The following MFHAS1 variants were observed in gnomAD, a reference collection of about 807,000 sequenced individuals.
The protein encoded by MFHAS1 is malignant fibrous histiocytoma-amplified sequence 1.
A neutral mutation model predicts 70.4 loss-of-function variants in MFHAS1; 50 were observed. The observed-to-expected ratio is 0.71, with a 90% CI of 0.57 to 0.90. The LOEUF (loss-of-function observed/expected upper bound fraction) is 0.90, where lower values mean the gene tolerates loss of function less well. MFHAS1 is among the 40% of genes least tolerant of loss of function. The pLI, the probability that MFHAS1 is intolerant of heterozygous loss-of-function variation, is 0.00. For synonymous variants in MFHAS1, 952 were observed against 620.0 expected (o/e 1.54, Z -7.96); for missense variants, 1,795 against 1,347.6 (o/e 1.33, Z -5.20).
Position 8,837,598 on chromosome 8 carries a change from G to A in MFHAS1, c.2999-40107C>T, listed in dbSNP as rs181814952. Reference sequence around the variant, plus strand: ...GCGGAGGTTGCAGTGAGCCAAGATCGCGCCACTGCACTCCAGCCTGGGCGA... The same window carrying A: ...GCGGAGGTTGCAGTGAGCCAAGATCACGCCACTGCACTCCAGCCTGGGCGA... On this transcript the variant is annotated intron_variant, in intron 1 of 2. Coordinates refer to ENST00000276282, the MANE Select transcript of MFHAS1 (RefSeq NM_004225.3). 1.9e-3 allele frequency among the ~76,000 whole-genome samples: 294 copies of A among 151,678 alleles called. 2 individuals carry two copies. The highest frequency in any genetic ancestry group is 1.8e-3 in the Non-Finnish European group (125 of 67,868).
chr8:8,842,245 G>C (rs963912916), intron 1 of MFHAS1, among the ~76,000 whole-genome samples: 1 of 151,994 alleles, frequency 6.6e-6, no homozygotes, highest in Non-Finnish European at 1.5e-5. Flanking sequence ...GAGTGCGGTG[G>C]CTCAACCTCG....
chr8:8,890,027 T>C (rs399123), intron 1 of MFHAS1, 34 bp downstream of exon 1: 748,572 of 1,494,294 alleles, frequency 0.5, 195,671 homozygotes, highest in East Asian at 0.83. Context: ...TCTTACAGCA[T>C]ACCACAGAAG....
Position 8,890,564 on chromosome 8 carries a change from CAGTAACAG to C in MFHAS1, c.2487_2494del (p.Cys830ProfsTer3). ...AGGCTTGCCCTTGGGTTTATTGAGG[CAGTAACAG>C]AGTCCCATCTTCTCCAGCAGCTCCA... On this transcript the variant is annotated frameshift_variant, in exon 1 of 3. Transcript: ENST00000276282. LOFTEE classifies it high-confidence loss of function. 1 of 1,613,616 alleles carries C rather than the reference CAGTAACAG, an allele frequency of 6.2e-7. No individual in the cohort carries two copies. The highest frequency in any genetic ancestry group is 8.5e-7 in the Non-Finnish European group (1 of 1,180,048).
At position 8,856,028 on chromosome 8, in the gene MFHAS1, G is replaced by C. The variant is rs367649748; in HGVS notation, c.2998+34033C>G. Among the ~76,000 whole-genome samples, 57 of 152,268 alleles carry C rather than the reference G, an allele frequency of 3.7e-4. 1 individual carries two copies. The South Asian group carries it at 0.011, about 29-fold the overall frequency. ...GCCAAATAAGCCTCCTCACTTTTGT[G>C]CTTTGAAAGCGAGCGGGGACTGAAT... On this transcript the variant is annotated intron_variant, in intron 1 of 2. Coordinates refer to ENST00000276282, the MANE Select transcript of MFHAS1 (RefSeq NM_004225.3).
intron 1 of MFHAS1, among the ~76,000 whole-genome samples, chr8:8,845,405 G>C (rs922589236): frequency 2.0e-5 from 3 of 152,140 alleles, no homozygotes; most frequent in South Asian, 4.1e-4. Flanking sequence ...AGAGCATACC[G>C]GGTAGTGAAA....
At chr8:8,824,521 T>TCTCTCACACACACACA (rs1484537416) in intron 1 of MFHAS1, among the ~76,000 whole-genome samples, 1 of 145,912 alleles carries the variant, frequency 6.9e-6, no homozygotes, top group African/African-American at 2.6e-5. Flanking sequence ...TCTCTCTCTT[T>TCTCTCACACACACACA]CACACACACA....
rs774931050 is a variant in MFHAS1 at position 8,892,605 on chromosome 8, C to T, written c.454G>A (p.Ala152Thr). The change falls in exon 1 of 3, where the codon GCC (alanine) becomes ACC (threonine). Residue 152 changes from alanine (A) to threonine (T), a missense_variant. Coordinates refer to ENST00000276282, the MANE Select transcript of MFHAS1 (RefSeq NM_004225.3). The surrounding 1 kb of genome is among the most constrained non-coding windows in gnomAD (Gnocchi z 4.7). ...AGGTGAGCGAGAGCGCCCAGCTGGGCGGGCAGGGCGGGCAGCTGGTTGTGG... is the reference window on the plus strand; with the variant it reads ...AGGTGAGCGAGAGCGCCCAGCTGGGTGGGCAGGGCGGGCAGCTGGTTGTGG... ...LSHNQLPALP[A>T]QLGALAHLEE... 7.5e-6 allele frequency: 12 copies of T among 1,607,490 alleles called. No individual in the cohort carries two copies. The highest frequency in any genetic ancestry group is 6.7e-5 in the African/African-American group (5 of 74,686).
chr8:8,892,107 G>T lies in MFHAS1; in HGVS notation c.952C>A (p.Leu318Met). ...AGCCACAAGGTGAGAAGCCGGCCCA[G>T]GCCCGAGATAAGGGATGGCACCGAG... ...LTSVPSLISG[L>M]GRLLTLWLDN... Residue 318 changes from leucine (L) to methionine (M), a missense_variant, in exon 1 of 3, where the codon CTG (leucine) becomes ATG (methionine). Transcript: ENST00000276282. This position sits in a 1 kb window ranked among gnomAD's most constrained non-coding sequence, Gnocchi z 4.7. The T allele has an allele frequency of 6.2e-7, 1 of 1,613,236 alleles. No individual in the cohort carries two copies. The highest frequency in any genetic ancestry group is 1.3e-5 in the African/African-American group (1 of 75,046).
intron 1 of MFHAS1, among the ~76,000 whole-genome samples, chr8:8,829,197 C>CT (rs141401469): frequency 0.024 from 3,657 of 152,294 alleles, 103 homozygotes; most frequent in African/African-American, 0.062. Context: ...GCGGAGCGCC[C>CT]TCCCAGAACC....
chr8:8,892,753 C>T lies in MFHAS1; in HGVS notation c.306G>A (p.Leu102=). 1 of 1,576,082 alleles carries T rather than the reference C, an allele frequency of 6.3e-7. No homozygotes were observed. Among genetic ancestry groups the T allele is most frequent in the South Asian group, 1.2e-5 (1 of 86,268 alleles). ...GGCCGAGCTCGGCCACCGCCGGGGG[C>T]AGCCGGGCGAAGCGGTTCCTGCGCA... ...LVLRRNRFAR[L]PPAVAELGHH... Residue 102 remains leucine, a synonymous_variant, in exon 1 of 3, where the codon CTG becomes CTA. Coordinates refer to ENST00000276282, the MANE Select transcript of MFHAS1 (RefSeq NM_004225.3). This position sits in a 1 kb window ranked among gnomAD's most constrained non-coding sequence, Gnocchi z 4.7.
chr8:8,791,206 C>T (rs1313661748), intron 2 of MFHAS1, among the ~76,000 whole-genome samples: 1 of 146,974 alleles, frequency 6.8e-6, no homozygotes, highest in Non-Finnish European at 1.5e-5. Flanking sequence ...AGTCTCAGAA[C>T]TCCCACCATT....
At chr8:8,879,995 C>G (rs1040649446) in intron 1 of MFHAS1, among the ~76,000 whole-genome samples, 4 of 152,202 alleles carry the variant, frequency 2.6e-5, no homozygotes, top group Non-Finnish European at 5.9e-5. Flanking sequence ...ACAAGAATTA[C>G]ACAACATTTA....
chr8:8,799,300 C>CT (rs1264383183), intron 1 of MFHAS1, among the ~76,000 whole-genome samples: 1 of 152,050 alleles, frequency 6.6e-6, no homozygotes, highest in Non-Finnish European at 1.5e-5. Context: ...AATAATTAAA[C>CT]TTTTATGAAT....
chr8:8,868,656 G>C (rs369291935), intron 1 of MFHAS1, among the ~76,000 whole-genome samples: 111 of 152,234 alleles, frequency 7.3e-4, no homozygotes, highest in African/African-American at 2.4e-3. Context: ...TACATGGCTT[G>C]GGCCCTCTCT....
At chr8:8,853,669 C>T (rs1808328259) in intron 1 of MFHAS1, among the ~76,000 whole-genome samples, 1 of 152,078 alleles carries the variant, frequency 6.6e-6, no homozygotes, top group Non-Finnish European at 1.5e-5. Flanking sequence ...AGGGTTCAAG[C>T]GATTCTCCTG....
intron 1 of MFHAS1, among the ~76,000 whole-genome samples, chr8:8,865,939 G>A (rs759184169): frequency 6.6e-6 from 1 of 152,206 alleles, no homozygotes; most frequent in Non-Finnish European, 1.5e-5. Flanking sequence ...ACCTCTCCTT[G>A]TTCAGGCGGC....
intron 1 of MFHAS1, among the ~76,000 whole-genome samples, chr8:8,884,391 C>T (rs571053401): frequency 6.6e-6 from 1 of 152,238 alleles, no homozygotes; most frequent in East Asian, 1.9e-4. Flanking sequence ...TATTGAAAAA[C>T]CTTTGTAAAA....
chr8:8,802,637 A>T (rs1806121002), intron 1 of MFHAS1, among the ~76,000 whole-genome samples: 2 of 152,282 alleles, frequency 1.3e-5, no homozygotes, highest in South Asian at 4.2e-4. Context: ...TAGGGTATGG[A>T]GCAGCTCCTT....
chr8:8,833,506 G>C (rs985212305), intron 1 of MFHAS1, among the ~76,000 whole-genome samples: 1 of 152,130 alleles, frequency 6.6e-6, no homozygotes. Flanking sequence ...GTACATGCCT[G>C]AAGTCTCAGC....
Sources: allele counts gnomAD v4.1 joint callset (sites outside exome capture counted in the v4.1 genomes callset), GRCh38; gene constraint gnomAD v4.1.1; non-coding constraint Gnocchi (gnomAD v3.1); transcripts MANE v1.5; gene names NCBI Gene and HGNC (gene_info 2026-07-23, HGNC 2026-07-21).